RAE1: variants seen among roughly 807,000 people sequenced by gnomAD.
RAE1 encodes ribonucleic acid export 1, also known as mRNA export factor RAE1.
A neutral mutation model predicts 52.7 loss-of-function variants in RAE1; 13 were observed. The ratio of observed to expected loss-of-function variants is 0.25; its 90% CI spans 0.16 to 0.39. RAE1 has a LOEUF of 0.39. RAE1 is among the 10% of genes least tolerant of loss of function. The pLI is 1.00. For synonymous variants in RAE1, 164 were observed against 153.1 expected, an observed-to-expected ratio of 1.07 and a Z score of -0.52; for missense variants, 262 against 459.8, an observed-to-expected ratio of 0.57 and a Z score of 3.93.
chr20:57,374,597 A>G lies in RAE1; in HGVS notation c.826-10A>G, dbSNP rs756588146. 2.9e-5 allele frequency: 47 copies of G among 1,606,576 alleles called. No homozygotes were observed. The highest frequency in any genetic ancestry group is 3.3e-5 in the South Asian group (3 of 89,958). On this transcript the variant is annotated splice_polypyrimidine_tract_variant and intron_variant, in intron 10 of 11. Coordinates refer to ENST00000395841, the MANE Select transcript of RAE1 (RefSeq NM_003610.4). ...GCCTGGCTTCTCATTGTGCATGTCA[A>G]TCCTTGCAGGTAAATGGAATCGCGT...
chr20:57,370,309 CAG>C (rs1251491149), intron 8 of RAE1, among the ~76,000 whole-genome samples: 1 of 152,240 alleles, frequency 6.6e-6, no homozygotes, highest in Non-Finnish European at 1.5e-5. Context: ...CTTACTGGAA[CAG>C]AGCTTCATTC....
intron 8 of RAE1, among the ~76,000 whole-genome samples, chr20:57,370,656 C>T (rs1443759457): frequency 1.3e-5 from 2 of 152,234 alleles, no homozygotes; most frequent in South Asian, 2.1e-4. Context: ...TCACATGTTA[C>T]CCTTGCCTCA....
chr20:57,359,076 C>T, intron 4 of RAE1: 1 of 1,436,664 alleles, frequency 7.0e-7, no homozygotes, highest in Non-Finnish European at 9.2e-7. Flanking sequence ...AGTGATTATG[C>T]TACCTTCGCA....
At position 57,373,717 on chromosome 20, in the gene RAE1, A is replaced by G; in HGVS notation, c.804A>G (p.Ser268=). Residue 268 remains serine, a synonymous_variant, in exon 10 of 12, where the codon TCA becomes TCG. Coordinates refer to ENST00000395841, the MANE Select transcript of RAE1 (RefSeq NM_003610.4). ...ATCGATCTAATGGAACCAACACTTC[A>G]GCTCCTCAGGACATTTATGCGGTAC... The part of the protein sequence containing the change: ...KCHRSNGTNT[S]APQDIYAVNG... 6.2e-7 allele frequency: 1 copy of G among 1,614,038 alleles called. No homozygotes were observed. The highest frequency in any genetic ancestry group is 1.3e-5 in the African/African-American group (1 of 75,062).
chr20:57,368,316 G>A (rs1461242226), intron 7 of RAE1, among the ~76,000 whole-genome samples: 2 of 152,190 alleles, frequency 1.3e-5, no homozygotes, highest in Middle Eastern at 3.2e-3. Flanking sequence ...TTGAAAAAGT[G>A]TGTGACGTGG....
At chr20:57,362,916 G>A (rs2066908996) in intron 4 of RAE1, among the ~76,000 whole-genome samples, 2 of 151,930 alleles carry the variant, frequency 1.3e-5, no homozygotes, top group Admixed American at 6.6e-5. Context: ...AAGTAGCTGG[G>A]GTTACAGGCG....
At chr20:57,374,829 G>A (rs1555834542) in intron 11 of RAE1, 28 bp downstream of exon 11, 5 of 1,612,750 alleles carry the variant, frequency 3.1e-6, no homozygotes, top group Non-Finnish European at 3.4e-6. Context: ...TGCTCTGGGT[G>A]CTCCAAGGCA....
rs549780239 is a variant in RAE1 at position 57,369,392 on chromosome 20, A to C, written c.642+580A>C. ...GGTAGCACCCTCGGAGAGAACTGAG[A>C]CCTTTAACGGCATCAGACTGCAGTT... On this transcript the variant is annotated intron_variant, in intron 8 of 11. Transcript: ENST00000395841. Among the ~76,000 whole-genome samples, 3 of 152,220 alleles carry C rather than the reference A, an allele frequency of 2.0e-5. No homozygotes were observed. In the South Asian group the frequency reaches 6.2e-4, roughly 32 times the overall value.
In RAE1 at chr20:57,357,250, T is replaced by G. The variant is rs575083080; in HGVS notation, c.288+712T>G. Among the ~76,000 whole-genome samples, 3 of 152,294 alleles carry G rather than the reference T, an allele frequency of 2.0e-5. No individual in the cohort carries two copies. In the East Asian group the frequency reaches 5.8e-4, roughly 29 times the overall value. ...CCATCGGCCTCCAAATTCTCTTCCT[T>G]CCTTTTGTCGTCAAATCCTTCCCAG... On this transcript the variant is annotated intron_variant, in intron 4 of 11. Transcript: ENST00000395841.
chr20:57,356,927 C>A (rs1350121495), intron 4 of RAE1, among the ~76,000 whole-genome samples: 1 of 152,194 alleles, frequency 6.6e-6, no homozygotes, highest in Non-Finnish European at 1.5e-5. Flanking sequence ...GTAGACGGGC[C>A]TCGGCCTGGC....
Position 57,358,888 on chromosome 20 carries a change from T to G in RAE1, c.288+2350T>G, listed in dbSNP as rs564579329. ...AATTTTTAATGCAGGGATAGGAGGC[T>G]AGGGCCTGTAGGCTTGTTGGAGTTT... On this transcript the variant is annotated intron_variant, in intron 4 of 11. Coordinates refer to ENST00000395841, the MANE Select transcript of RAE1 (RefSeq NM_003610.4). The G allele has an allele frequency of 3.3e-5, 39 of 1,190,740 alleles. No individual in the cohort carries two copies. In the African/African-American group the frequency reaches 6.2e-4, roughly 19 times the overall value. 73.8% of individuals were successfully genotyped at this position (1,190,740 alleles called of 1,614,324 possible).
chr20:57,377,012 A>G (rs1295233164), intron 11 of RAE1, among the ~76,000 whole-genome samples: 4 of 152,152 alleles, frequency 2.6e-5, no homozygotes, highest in Admixed American at 1.3e-4. Flanking sequence ...GGGGTTTTTC[A>G]TTGTTCTTAG....
intron 4 of RAE1, among the ~76,000 whole-genome samples, chr20:57,364,666 C>T (rs2066930687): frequency 6.6e-6 from 1 of 152,202 alleles, no homozygotes; most frequent in Non-Finnish European, 1.5e-5. Flanking sequence ...AATGCAGCCA[C>T]ACTCATTGAC....
intron 1 of RAE1, chr20:57,351,882 C>A: frequency 1.0e-6 from 1 of 985,386 alleles, no homozygotes; most frequent in Non-Finnish European, 1.2e-6. Context: ...TTATTGTATA[C>A]GTATATAGGT....
chr20:57,365,171 C>G (rs1476239095), intron 4 of RAE1, among the ~76,000 whole-genome samples, 185 bp from the exon 5 acceptor site: 1 of 152,124 alleles, frequency 6.6e-6, no homozygotes, highest in Non-Finnish European at 1.5e-5. Flanking sequence ...GTAAGTCAAT[C>G]ATGAAATAGA....
Position 57,378,061 on chromosome 20 carries a change from A to G in RAE1, c.1069A>G (p.Asn357Asp). The G allele has an allele frequency of 6.2e-7, 1 of 1,613,166 alleles. No homozygotes were observed. The highest frequency in any genetic ancestry group is 8.5e-7 in the Non-Finnish European group (1 of 1,179,208). ...PQKKNYIFLR[N>D]AAEELKPRNK... ...GAAAAAAAATTACATTTTCCTGCGT[A>G]ATGCAGCCGAAGAGCTAAAGCCCAG... Residue 357 changes from asparagine (N) to aspartate (D), a missense_variant, in exon 12 of 12, where the codon AAT (asparagine) becomes GAT (aspartate). Asn to Asp is a conservative substitution (Grantham distance 23). Coordinates refer to ENST00000395841, the MANE Select transcript of RAE1 (RefSeq NM_003610.4).
chr20:57,362,113 C>T (rs1019206441), intron 4 of RAE1, among the ~76,000 whole-genome samples: 4 of 152,206 alleles, frequency 2.6e-5, no homozygotes, highest in Non-Finnish European at 5.9e-5. Flanking sequence ...TCACTTCACC[C>T]CAGTCTGGAA....
At chr20:57,374,038 C>T (rs1377143330) in intron 10 of RAE1, among the ~76,000 whole-genome samples, 4 of 152,138 alleles carry the variant, frequency 2.6e-5, no homozygotes, top group Non-Finnish European at 4.4e-5. Flanking sequence ...GGACTACAGG[C>T]GCCCAGCTAA....
chr20:57,377,858 T>G (rs2067138702), intron 11 of RAE1, among the ~76,000 whole-genome samples, 155 bp from the exon 12 acceptor site: 1 of 152,250 alleles, frequency 6.6e-6, no homozygotes, highest in Non-Finnish European at 1.5e-5. Context: ...GGACTGAAGT[T>G]CTGCTTCGCA....
Sources: gnomAD v4.1 joint callset for allele counts (sites outside exome capture counted in the v4.1 genomes callset) on GRCh38, gnomAD v4.1.1 for gene constraint, MANE v1.5 for transcripts, NCBI Gene and HGNC (gene_info 2026-07-23, HGNC 2026-07-21) for gene names.